Variants in AUTS2 observed in about 807,000 individuals in gnomAD.
AUTS2 encodes the protein activator of transcription and developmental regulator AUTS2, also known as autism susceptibility gene 2 protein.
In AUTS2, 17 loss-of-function variants were observed where a neutral mutation model predicts 112.4. The ratio of observed to expected loss-of-function variants is 0.15; its 90% CI spans 0.10 to 0.23. The LOEUF (loss-of-function observed/expected upper bound fraction) is 0.23, where lower values mean the gene tolerates loss of function less well. Among genes scored for constraint, AUTS2 ranks in the 10% least tolerant of loss-of-function variants. AUTS2 has a pLI of 1.00. For synonymous variants in AUTS2, 751 were observed against 702.7 expected, an observed-to-expected ratio of 1.07 and a Z score of -1.09; for missense variants, 1,510 against 1,701.6, an observed-to-expected ratio of 0.89 and a Z score of 1.98.
intron 4 of AUTS2, among the ~76,000 whole-genome samples, chr7:70,165,181 G>A (rs989986855): frequency 4.6e-5 from 7 of 152,146 alleles, no homozygotes; most frequent in Non-Finnish European, 1.0e-4. Flanking sequence ...AGCAAAAAGA[G>A]TGGAAATAAA....
intron 4 of AUTS2, chr7:70,290,441 A>G (rs1788657286): frequency 1.3e-6 from 2 of 1,544,178 alleles, no homozygotes. Context: ...GATGTCAGCA[A>G]CACTTCATCC....
At chr7:70,669,030 T>C (rs982831991) in intron 5 of AUTS2, among the ~76,000 whole-genome samples, 1 of 152,256 alleles carries the variant, frequency 6.6e-6, no homozygotes, top group Non-Finnish European at 1.5e-5. Context: ...AGCAGTCCCC[T>C]TGTATTTTCT....
At chr7:70,754,043 C>A (rs1789031444) in intron 6 of AUTS2, among the ~76,000 whole-genome samples, 1 of 151,916 alleles carries the variant, frequency 6.6e-6, no homozygotes, top group Non-Finnish European at 1.5e-5. Context: ...TGCCTGTAGT[C>A]CCAGCTACTG....
At chr7:70,773,875 C>T (rs1790519220) in intron 11 of AUTS2, among the ~76,000 whole-genome samples, 153 bp from the exon 12 acceptor site, 1 of 152,220 alleles carries the variant, frequency 6.6e-6, no homozygotes, top group Non-Finnish European at 1.5e-5. Context: ...TGAGAAAGAG[C>T]ATGTGTGGTC....
chr7:69,971,713 G>A (rs1797857343), intron 2 of AUTS2, among the ~76,000 whole-genome samples: 1 of 152,116 alleles, frequency 6.6e-6, no homozygotes. Flanking sequence ...AATCATACAG[G>A]ATGCAGCTTT....
intron 5 of AUTS2, among the ~76,000 whole-genome samples, chr7:70,588,977 A>G (rs1585340512): frequency 1.3e-5 from 2 of 152,188 alleles, no homozygotes; most frequent in Admixed American, 6.5e-5. Context: ...ACTCCGATCT[A>G]TATATCAGGG....
intron 2 of AUTS2, among the ~76,000 whole-genome samples, chr7:69,970,759 C>T (rs1035019142): frequency 6.6e-6 from 1 of 152,170 alleles, no homozygotes; most frequent in Non-Finnish European, 1.5e-5. Flanking sequence ...ATACATAATA[C>T]ACCTTATTGT....
intron 5 of AUTS2, among the ~76,000 whole-genome samples, chr7:70,532,671 C>T (rs1346033814): frequency 1.3e-5 from 2 of 152,186 alleles, no homozygotes; most frequent in African/African-American, 4.8e-5. Flanking sequence ...TGTCTCAGAC[C>T]AACCCCATCA....
chr7:69,638,870 C>G (rs1237652121), intron 1 of AUTS2, among the ~76,000 whole-genome samples: 1 of 152,190 alleles, frequency 6.6e-6, no homozygotes, highest in Admixed American at 6.5e-5. Flanking sequence ...CCCACTTGTT[C>G]TTTGATTGAC....
intron 5 of AUTS2, among the ~76,000 whole-genome samples, chr7:70,620,409 C>T (rs1804609112): frequency 6.6e-6 from 1 of 152,220 alleles, no homozygotes; most frequent in South Asian, 2.1e-4. Flanking sequence ...TTCAAGGAGT[C>T]CTATGCTGAA....
At chr7:70,141,741 C>A (rs1806874740) in intron 4 of AUTS2, among the ~76,000 whole-genome samples, 3 of 152,146 alleles carry the variant, frequency 2.0e-5, no homozygotes, top group African/African-American at 7.2e-5. Context: ...TAATTCTTAC[C>A]CTTTTTTGGT....
rs573235296 is a variant in AUTS2 at position 70,449,688 on chromosome 7, G to A, written c.690+13907G>A. On this transcript the variant is annotated intron_variant, in intron 5 of 18. Transcript: ENST00000342771. ...ATCACAAAATCTCAAATATGGATACGTATTTACAATTATGTATAATAATTG... is the reference window on the plus strand; with the variant it reads ...ATCACAAAATCTCAAATATGGATACATATTTACAATTATGTATAATAATTG... Among the ~76,000 whole-genome samples the A allele has an allele frequency of 3.7e-4, 56 of 152,236 alleles. No homozygotes were observed. In the South Asian group the frequency reaches 0.011, roughly 29 times the overall value.
intron 1 of AUTS2, among the ~76,000 whole-genome samples, chr7:69,776,890 T>G (rs210597): frequency 3.9e-5 from 6 of 152,206 alleles, no homozygotes; most frequent in Non-Finnish European, 5.9e-5. Flanking sequence ...ACAAGTAATA[T>G]AAGAGGAGCT....
chr7:69,787,851 A>G (rs1248857262), intron 1 of AUTS2, among the ~76,000 whole-genome samples: 1 of 137,366 alleles, frequency 7.3e-6, no homozygotes, highest in African/African-American at 2.6e-5. Flanking sequence ...CTGGGCTTAC[A>G]GGCGTTGAGC....
chr7:70,701,009 A>G (rs1809428085), intron 6 of AUTS2, among the ~76,000 whole-genome samples: 1 of 152,266 alleles, frequency 6.6e-6, no homozygotes. Flanking sequence ...TCAAAGCCCC[A>G]GCTTATGGGA....
chr7:70,705,424 A>C (rs1215640947), intron 6 of AUTS2, among the ~76,000 whole-genome samples: 1 of 152,156 alleles, frequency 6.6e-6, no homozygotes, highest in Non-Finnish European at 1.5e-5. Flanking sequence ...TGCAACAGTG[A>C]TTTTATTAAT....
chr7:69,960,109 T>C (rs1393290385), intron 2 of AUTS2, among the ~76,000 whole-genome samples: 1 of 152,188 alleles, frequency 6.6e-6, no homozygotes, highest in Non-Finnish European at 1.5e-5. Context: ...CATTTTCTCT[T>C]TTCAACTAGA....
chr7:69,702,742 G>A (rs543587501), intron 1 of AUTS2, among the ~76,000 whole-genome samples: 59 of 152,256 alleles, frequency 3.9e-4, no homozygotes, highest in African/African-American at 1.4e-3. Flanking sequence ...TCTCCAGTGG[G>A]TGCAGTTCAA....
At chr7:70,619,300 G>A (rs1354326520) in intron 5 of AUTS2, among the ~76,000 whole-genome samples, 1 of 152,224 alleles carries the variant, frequency 6.6e-6, no homozygotes, top group Non-Finnish European at 1.5e-5. Context: ...TTCACGGAAA[G>A]GCAGACGGGG....
Sources: gnomAD v4.1 joint callset for allele counts (sites outside exome capture counted in the v4.1 genomes callset) on GRCh38, gnomAD v4.1.1 for gene constraint, MANE v1.5 for transcripts, NCBI Gene and HGNC (gene_info 2026-07-23, HGNC 2026-07-21) for gene names.